The following ASIC2 variants were observed in gnomAD, a reference collection of about 807,000 sequenced individuals.
The protein encoded by ASIC2 is acid-sensing ion channel 2.
A neutral mutation model predicts 57.3 loss-of-function variants in ASIC2; 25 were observed. The ratio of observed to expected loss-of-function variants is 0.44; its 90% confidence interval spans 0.32 to 0.61. The LOEUF is 0.61. Among genes scored for constraint, ASIC2 ranks in the 20% least tolerant of loss-of-function variants. The pLI, the probability that ASIC2 is intolerant of heterozygous loss-of-function variation, is 0.06. For missense variants in ASIC2, 641 were observed against 738.1 expected, an observed-to-expected ratio of 0.87 and a Z score of 1.52; for synonymous variants, 319 against 307.5, an observed-to-expected ratio of 1.04 and a Z score of -0.39.
At chr17:33,922,976 C>T (rs118151273) in intron 1 of ASIC2, among the ~76,000 whole-genome samples, 1 of 152,298 alleles carries the variant, frequency 6.6e-6, no homozygotes, top group East Asian at 1.9e-4. Flanking sequence ...GCTCCAAGCA[C>T]CAGTGCAGAT....
At chr17:34,029,868 A>C (rs1411868686) in intron 1 of ASIC2, among the ~76,000 whole-genome samples, 1 of 152,176 alleles carries the variant, frequency 6.6e-6, no homozygotes, top group African/African-American at 2.4e-5. Flanking sequence ...GAGCAGACTG[A>C]GACACCCCAC....
At chr17:33,288,901 T>G (rs1905304483) in intron 1 of ASIC2, among the ~76,000 whole-genome samples, 1 of 152,188 alleles carries the variant, frequency 6.6e-6, no homozygotes, top group African/African-American at 2.4e-5. Flanking sequence ...GCTTGAGAGT[T>G]CATGTTCTCA....
chr17:33,835,485 C>G (rs767218453), intron 1 of ASIC2, among the ~76,000 whole-genome samples: 3 of 152,184 alleles, frequency 2.0e-5, no homozygotes, highest in Non-Finnish European at 4.4e-5. Flanking sequence ...ACTCCCTCCT[C>G]CTCTCACCTG....
At chr17:33,026,067 G>C (rs2091858174) in intron 4 of ASIC2, 85 bp from the exon 5 acceptor site, 19 of 1,490,904 alleles carry the variant, frequency 1.3e-5, no homozygotes, top group Non-Finnish European at 1.7e-5. Context: ...CTTAGGGAAA[G>C]GGGTGCCTCC....
At chr17:33,654,157 G>T (rs1907007273) in intron 1 of ASIC2, among the ~76,000 whole-genome samples, 1 of 152,202 alleles carries the variant, frequency 6.6e-6, no homozygotes, top group African/African-American at 2.4e-5. Context: ...TGTCTGGCTA[G>T]AACAAGGTAC....
chr17:33,668,437 G>C (rs1363422350), intron 1 of ASIC2, among the ~76,000 whole-genome samples: 1 of 151,942 alleles, frequency 6.6e-6, no homozygotes, highest in African/African-American at 2.4e-5. Flanking sequence ...TGGGTCAGGA[G>C]CCCTTCCTCC....
At chr17:33,588,409 G>A (rs1429473528) in intron 1 of ASIC2, among the ~76,000 whole-genome samples, 2 of 152,166 alleles carry the variant, frequency 1.3e-5, no homozygotes, top group Non-Finnish European at 2.9e-5. Flanking sequence ...AGTGATCTTT[G>A]AGGGCCCTTT....
At chr17:33,775,161 T>C (rs1911227559) in intron 1 of ASIC2, among the ~76,000 whole-genome samples, 1 of 152,132 alleles carries the variant, frequency 6.6e-6, no homozygotes, top group African/African-American at 2.4e-5. Context: ...AGGGTTAACT[T>C]TGTTTGCCAA....
chr17:33,750,641 C>T (rs754458741), intron 1 of ASIC2, among the ~76,000 whole-genome samples: 1 of 152,134 alleles, frequency 6.6e-6, no homozygotes, highest in Non-Finnish European at 1.5e-5. Context: ...GGAGTGCACC[C>T]GGATGTCAGA....
chr17:33,395,190 A>T (rs1366486899), intron 1 of ASIC2, among the ~76,000 whole-genome samples: 1 of 151,236 alleles, frequency 6.6e-6, no homozygotes, highest in Non-Finnish European at 1.5e-5. Flanking sequence ...CCTTCCATCA[A>T]CCTATCCATT....
At chr17:33,501,057 G>T (rs1462121847) in intron 1 of ASIC2, among the ~76,000 whole-genome samples, 2 of 152,210 alleles carry the variant, frequency 1.3e-5, no homozygotes, top group Non-Finnish European at 2.9e-5. Context: ...GCACTCCCTG[G>T]TCTGCAGGGA....
intron 1 of ASIC2, chr17:33,834,543 C>T (rs1913214904): frequency 3.3e-5 from 5 of 152,178 alleles, no homozygotes; most frequent in Admixed American, 3.3e-4. Flanking sequence ...GGGCCATTCA[C>T]TGGGGGAAGG....
chr17:33,044,209 G>GTCCA (rs1008432153), intron 3 of ASIC2, among the ~76,000 whole-genome samples: 1 of 151,500 alleles, frequency 6.6e-6, no homozygotes, highest in Non-Finnish European at 1.5e-5. Flanking sequence ...GTTTCCATCT[G>GTCCA]TCCATCCATC....
At chr17:33,350,734 C>T (rs1476520258) in intron 1 of ASIC2, among the ~76,000 whole-genome samples, 1 of 115,232 alleles carries the variant, frequency 8.7e-6, no homozygotes, top group Non-Finnish European at 1.7e-5. Context: ...ACTAACTTCT[C>T]TCTGCATCTC....
At chr17:33,017,171 C>T (rs1392847649) in intron 8 of ASIC2, among the ~76,000 whole-genome samples, 1 of 152,198 alleles carries the variant, frequency 6.6e-6, no homozygotes, top group African/African-American at 2.4e-5. Context: ...GAGGACATGA[C>T]TCAGGTGATG....
At chr17:33,098,614 G>A (rs2092194616) in intron 2 of ASIC2, among the ~76,000 whole-genome samples, 2 of 152,206 alleles carry the variant, frequency 1.3e-5, no homozygotes, top group African/African-American at 2.4e-5. Flanking sequence ...GTCCACAAGA[G>A]TTTGGCGAAG....
chr17:33,138,931 T>C (rs1023490246), intron 1 of ASIC2, among the ~76,000 whole-genome samples: 1 of 152,156 alleles, frequency 6.6e-6, no homozygotes, highest in Admixed American at 6.5e-5. Context: ...AGGCCCTGGG[T>C]TGGGTTGGAA....
intron 1 of ASIC2, among the ~76,000 whole-genome samples, chr17:34,096,949 C>A (rs1910570561): frequency 6.7e-6 from 1 of 150,088 alleles, no homozygotes; most frequent in African/African-American, 2.5e-5. Context: ...GGGTAGTGGT[C>A]CTCAAGGTGG....
chr17:33,570,693 C>T (rs1383172355), intron 1 of ASIC2, among the ~76,000 whole-genome samples: 1 of 152,190 alleles, frequency 6.6e-6, no homozygotes, highest in African/African-American at 2.4e-5. Context: ...GGTTCTTCTG[C>T]TGGTCTTCCC....
Sources: allele counts gnomAD v4.1 joint callset (sites outside exome capture counted in the v4.1 genomes callset), GRCh38; gene constraint gnomAD v4.1.1; transcripts MANE v1.5; gene names NCBI Gene and HGNC (gene_info 2026-07-23, HGNC 2026-07-21).